GPR83: variants seen among roughly 807,000 people sequenced by gnomAD.
The protein encoded by GPR83 is G-protein coupled receptor 72.
A neutral mutation model predicts 28.0 loss-of-function variants in GPR83; 23 were observed. The ratio of observed to expected loss-of-function variants is 0.82; its 90% confidence interval spans 0.59 to 1.16. The LOEUF (loss-of-function observed/expected upper bound fraction) is 1.16. GPR83 is among the 50% of genes most tolerant of loss of function. GPR83 has a pLI of 0.00. For synonymous variants in GPR83, 234 were observed against 215.4 expected, an observed-to-expected ratio of 1.09 and a Z score of -0.76; for missense variants, 610 against 536.6, an observed-to-expected ratio of 1.14 and a Z score of -1.35.
At chr11:94,383,998 G>A (rs1023620994) in intron 3 of GPR83, among the ~76,000 whole-genome samples, 2 of 152,022 alleles carry the variant, frequency 1.3e-5, no homozygotes, top group East Asian at 1.9e-4. Flanking sequence ...CCAGCATCAC[G>A]CTGATACCAA....
intron 3 of GPR83, among the ~76,000 whole-genome samples, chr11:94,382,803 T>C (rs950696565): frequency 6.6e-5 from 10 of 152,090 alleles, no homozygotes; most frequent in African/African-American, 1.9e-4. Context: ...CCTTAGCAAA[T>C]GCAAAAGAAC....
chr11:94,393,405 G>T, intron 3 of GPR83, 80 bp downstream of exon 3: 1 of 1,331,646 alleles, frequency 7.5e-7, no homozygotes, highest in Admixed American at 1.8e-5. Flanking sequence ...GAGCTCCTGG[G>T]GGCCTCAGGT....
In GPR83 at chr11:94,379,860, C is replaced by G. The variant is rs527453311; in HGVS notation, c.*289G>C. 2.9e-4 allele frequency: 75 copies of G among 255,950 alleles called. 1 individual carries two copies. Among genetic ancestry groups the G allele is most frequent in the African/African-American group, 1.5e-3 (67 of 45,246 alleles). The allele number at this position is 255,950 out of a possible 1,614,324, so 15.9% of individuals were successfully genotyped here. On this transcript the variant is annotated 3_prime_UTR_variant, in exon 4 of 4. Coordinates refer to ENST00000243673, the MANE Select transcript of GPR83 (RefSeq NM_016540.4). ...GATGGAGGCAGTTGAATGATTCAGC[C>G]CCCATCTGGGCCAACGTTGTCCTCG... is the stretch of plus-strand genomic sequence containing the variant.
At position 94,400,911 on chromosome 11, in the gene GPR83, G is replaced by T; in HGVS notation, c.337C>A (p.Leu113Met). Residue 113 changes from leucine to methionine, a missense_variant, in exon 1 of 4, where the codon CTG becomes ATG. By Grantham distance (15) the Leu-to-Met change is conservative. Transcript: ENST00000243673. ...HSATSLFIVN[L>M]AVADIMITLL... ...GTGATCATTATGTCGGCAACTGCCA[G>T]GTTGACGATGAAGAGGCTGGTGGCC... The T allele has an allele frequency of 6.2e-7, 1 of 1,614,078 alleles. No individual in the cohort carries two copies. Among genetic ancestry groups the T allele is most frequent in the South Asian group, 1.1e-5 (1 of 91,086 alleles).
intron 1 of GPR83, among the ~76,000 whole-genome samples, chr11:94,397,371 G>T (rs1378009758): frequency 6.6e-6 from 1 of 152,184 alleles, no homozygotes; most frequent in Non-Finnish European, 1.5e-5. Context: ...GGCAGAGGCG[G>T]GCTCAACTCA....
chr11:94,399,144 C>T (rs2134698101), intron 1 of GPR83, among the ~76,000 whole-genome samples: 1 of 152,262 alleles, frequency 6.6e-6, no homozygotes, highest in African/African-American at 2.4e-5. Flanking sequence ...CTAGGTAGCA[C>T]AGCCCAACCG....
intron 3 of GPR83, among the ~76,000 whole-genome samples, chr11:94,382,664 A>G (rs921673848): frequency 6.6e-6 from 1 of 152,182 alleles, no homozygotes; most frequent in Non-Finnish European, 1.5e-5. Context: ...ACTTGAACTC[A>G]GCTCTCGACC....
intron 1 of GPR83, among the ~76,000 whole-genome samples, chr11:94,398,064 T>G (rs1944881758): frequency 6.6e-6 from 1 of 152,212 alleles, no homozygotes; most frequent in Non-Finnish European, 1.5e-5. Context: ...TCACTGATTT[T>G]CAAAACTGTT....
rs977259106 is a variant in GPR83, at chr11:94,379,866, C to G, written c.*283G>C. 1.5e-5 allele frequency: 4 copies of G among 268,662 alleles called. No homozygotes were observed. Among genetic ancestry groups the G allele is most frequent in the Non-Finnish European group, 2.8e-5 (4 of 142,276 alleles). 16.6% of individuals were successfully genotyped at this position (268,662 alleles called of 1,614,324 possible). A position where few individuals can be genotyped will look rare whatever the true frequency, so the allele number is the denominator to read the frequency against. ...GGCAGTTGAATGATTCAGCCCCCAT[C>G]TGGGCCAACGTTGTCCTCGCTCCTC... On this transcript the variant is annotated 3_prime_UTR_variant, in exon 4 of 4. Coordinates refer to ENST00000243673, the MANE Select transcript of GPR83 (RefSeq NM_016540.4).
At chr11:94,386,864 C>G (rs906345851) in intron 3 of GPR83, among the ~76,000 whole-genome samples, 1 of 152,234 alleles carries the variant, frequency 6.6e-6, no homozygotes, top group Admixed American at 6.5e-5. Flanking sequence ...CCCAAATCAA[C>G]AGATTACACA....
In GPR83 at chr11:94,380,056, T is replaced by C; in HGVS notation, c.*93A>G. The C allele has an allele frequency of 9.6e-7, 1 of 1,039,282 alleles. No homozygotes were observed. Among genetic ancestry groups the C allele is most frequent in the Non-Finnish European group, 1.4e-6 (1 of 728,502 alleles). The allele number at this position is 1,039,282 out of a possible 1,614,324, so 64.4% of individuals were successfully genotyped here. A position where few individuals can be genotyped will look rare whatever the true frequency, so the allele number is the denominator to read the frequency against. On this transcript the variant is annotated 3_prime_UTR_variant, in exon 4 of 4. Transcript: ENST00000243673. ...TCCTACAGCTTCTGCAGGAGTGTGTTTCCAGCACTCTGAAGATCATGTGTG... is the reference window on the plus strand; with the variant it reads ...TCCTACAGCTTCTGCAGGAGTGTGTCTCCAGCACTCTGAAGATCATGTGTG...
chr11:94,392,063 G>A (rs184524934), intron 3 of GPR83, among the ~76,000 whole-genome samples: 1 of 152,076 alleles, frequency 6.6e-6, no homozygotes, highest in East Asian at 1.9e-4. Context: ...GCAAAGACTT[G>A]GAACCAACCC....
chr11:94,401,111 T>C lies in GPR83; in HGVS notation c.137A>G (p.Asn46Ser), dbSNP rs578125097. ...PNASHFFSWN[N>S]YTFSDWQNFV... ...GTTCTGCCAGTCGGAGAAGGTGTAGTTGTTCCAAGAGAAGAAGTGCGAGGC... is the reference window on the plus strand; with the variant it reads ...GTTCTGCCAGTCGGAGAAGGTGTAGCTGTTCCAAGAGAAGAAGTGCGAGGC... Residue 46 changes from asparagine to serine, a missense_variant, in exon 1 of 4, where the codon AAC (asparagine) becomes AGC (serine). Asn to Ser is a conservative substitution (Grantham distance 46, BLOSUM62 1). Transcript: ENST00000243673. The C allele has an allele frequency of 1.9e-5, 31 of 1,614,168 alleles. No individual in the cohort carries two copies. The highest frequency in any genetic ancestry group is 3.3e-4 in the Middle Eastern group (2 of 6,062).
At chr11:94,388,161 T>C (rs1348982861) in intron 3 of GPR83, among the ~76,000 whole-genome samples, 1 of 152,178 alleles carries the variant, frequency 6.6e-6, no homozygotes, top group Admixed American at 6.5e-5. Context: ...TAGGTATTGA[T>C]GGGACGTATC....
intron 3 of GPR83, among the ~76,000 whole-genome samples, chr11:94,387,698 C>A (rs545796959): frequency 2.0e-5 from 3 of 152,192 alleles, no homozygotes; most frequent in South Asian, 4.1e-4. Context: ...AGCCTACCAA[C>A]CAAAAAAAGT....
chr11:94,381,895 G>A (rs1944694061), intron 3 of GPR83, among the ~76,000 whole-genome samples: 1 of 152,190 alleles, frequency 6.6e-6, no homozygotes, highest in Non-Finnish European at 1.5e-5. Context: ...CTGTGGGGCA[G>A]GGGCAGCTTC....
chr11:94,388,781 T>C (rs1331472101), intron 3 of GPR83, among the ~76,000 whole-genome samples: 1 of 152,166 alleles, frequency 6.6e-6, no homozygotes, highest in Non-Finnish European at 1.5e-5. Context: ...GCCATCCCCA[T>C]CAAGCTACCA....
chr11:94,380,725 A>G lies in GPR83; in HGVS notation c.696T>C (p.Ala232=), dbSNP rs755039200. 6.2e-7 allele frequency: 1 copy of G among 1,612,646 alleles called. No homozygotes were observed. Among genetic ancestry groups the G allele is most frequent in the South Asian group, 1.1e-5 (1 of 91,016 alleles). Residue 232 remains alanine, a synonymous_variant, in exon 4 of 4, where the codon GCT becomes GCC. Coordinates refer to ENST00000243673, the MANE Select transcript of GPR83 (RefSeq NM_016540.4). ...AGTCCAGGTACTTCCAGAAGAGGTC[A>G]GCTGGCTCAGGGAAGTCTGGCAGGC... ...SLCLPDFPEP[A]DLFWKYLDLA...
intron 3 of GPR83, among the ~76,000 whole-genome samples, chr11:94,388,644 C>G (rs939179000): frequency 6.6e-5 from 10 of 152,114 alleles, no homozygotes; most frequent in Non-Finnish European, 1.3e-4. Flanking sequence ...TCAAGGAGAA[C>G]TACAAACCAC....
Sources: allele counts gnomAD v4.1 joint callset (sites outside exome capture counted in the v4.1 genomes callset), GRCh38; gene constraint gnomAD v4.1.1; transcripts MANE v1.5; gene names NCBI Gene and HGNC (gene_info 2026-07-23, HGNC 2026-07-21).